OR9Q1: variants seen among roughly 807,000 people sequenced by gnomAD.
The protein encoded by OR9Q1 is olfactory receptor family 9 subfamily Q member 1.
For missense variants in OR9Q1, 374 were observed against 378.8 expected (o/e 0.99, Z 0.11); for synonymous variants, 153 against 148.6 (o/e 1.03, Z -0.22).
chr11:58,153,417 T>G (rs1003901620), intron 2 of OR9Q1, among the ~76,000 whole-genome samples: 7 of 152,136 alleles, frequency 4.6e-5, no homozygotes, highest in Non-Finnish European at 1.0e-4. Context: ...TGGGGACTGT[T>G]GTGGAAGATT....
intron 2 of OR9Q1, among the ~76,000 whole-genome samples, chr11:58,094,119 G>A (rs911574801): frequency 6.6e-6 from 1 of 152,154 alleles, no homozygotes; most frequent in East Asian, 1.9e-4. Context: ...CCATAAAAAG[G>A]ATGAAGTCAT....
At chr11:58,097,042 C>T (rs1853738880) in intron 2 of OR9Q1, among the ~76,000 whole-genome samples, 1 of 152,062 alleles carries the variant, frequency 6.6e-6, no homozygotes, top group Admixed American at 6.6e-5. Flanking sequence ...GGGGTCTCAC[C>T]ATGTTGCTCA....
At chr11:58,123,794 C>G (rs1854060661) in intron 2 of OR9Q1, among the ~76,000 whole-genome samples, 1 of 152,130 alleles carries the variant, frequency 6.6e-6, no homozygotes, top group Admixed American at 6.5e-5. Context: ...ATCAAAGCGC[C>G]TCTCTAAAAC....
At chr11:58,159,644 CAAAAG>C (rs1854439749) in intron 2 of OR9Q1, among the ~76,000 whole-genome samples, 1 of 152,072 alleles carries the variant, frequency 6.6e-6, no homozygotes, top group African/African-American at 2.4e-5. Flanking sequence ...GAAGAATTGA[CAAAAG>C]AGAATTTGAA....
At chr11:58,110,116 T>G (rs1853885192) in intron 2 of OR9Q1, among the ~76,000 whole-genome samples, 1 of 152,200 alleles carries the variant, frequency 6.6e-6, no homozygotes, top group South Asian at 2.1e-4. Context: ...CCTCCAGGGT[T>G]GTCAGTGGCA....
chr11:58,150,417 GAGA>G (rs1415654956), intron 2 of OR9Q1, among the ~76,000 whole-genome samples: 5 of 152,130 alleles, frequency 3.3e-5, no homozygotes, highest in Non-Finnish European at 5.9e-5. Flanking sequence ...GCAATATGAT[GAGA>G]CCTTGCCTCT....
At chr11:58,174,972 G>C in intron 2 of OR9Q1, among the ~76,000 whole-genome samples, 1 of 151,420 alleles carries the variant, frequency 6.6e-6, no homozygotes. Context: ...TGGGCATGGT[G>C]GTGCACCCCT....
chr11:58,024,890 C>T (rs1852955915), intron 1 of OR9Q1, among the ~76,000 whole-genome samples: 1 of 152,082 alleles, frequency 6.6e-6, no homozygotes, highest in African/African-American at 2.4e-5. Flanking sequence ...GTTGCAGGCA[C>T]GTTGTCATTG....
intron 1 of OR9Q1, among the ~76,000 whole-genome samples, chr11:58,043,553 C>T (rs953331517): frequency 6.6e-6 from 1 of 152,196 alleles, no homozygotes; most frequent in Non-Finnish European, 1.5e-5. Flanking sequence ...CTTCCTATAT[C>T]TTGCATCACA....
chr11:58,126,169 C>T (rs2514204), intron 2 of OR9Q1, among the ~76,000 whole-genome samples: 4 of 152,188 alleles, frequency 2.6e-5, no homozygotes, highest in Admixed American at 6.5e-5. Context: ...AACTCTCTAA[C>T]CACTCCAGCT....
intron 2 of OR9Q1, among the ~76,000 whole-genome samples, chr11:58,138,764 GC>G (rs1854213152): frequency 6.6e-6 from 1 of 152,056 alleles, no homozygotes; most frequent in Non-Finnish European, 1.5e-5. Flanking sequence ...ACCTCACTTA[GC>G]ATTTTTTGTG....
Position 58,150,225 on chromosome 11 carries a change from T to A in OR9Q1, c.-14-29206T>A, listed in dbSNP as rs138930550. 3.6e-3 allele frequency among the ~76,000 whole-genome samples: 555 copies of A among 152,314 alleles called. 3 individuals carry two copies. Among genetic ancestry groups the A allele is most frequent in the Non-Finnish European group, 5.1e-3 (349 of 68,026 alleles). Reference sequence around the variant, plus strand: ...ACCTAATTACTAGTGATGTTGAACATCTTTCCATGTTCTTATTGGCCACTT... The same window carrying A: ...ACCTAATTACTAGTGATGTTGAACAACTTTCCATGTTCTTATTGGCCACTT... On this transcript the variant is annotated intron_variant, in intron 2 of 2. Transcript: ENST00000335397.
At chr11:58,177,090 G>T (rs1854613338) in intron 2 of OR9Q1, among the ~76,000 whole-genome samples, 1 of 152,122 alleles carries the variant, frequency 6.6e-6, no homozygotes, top group East Asian at 1.9e-4. Flanking sequence ...CACAATCATA[G>T]CTGCCAAAGT....
chr11:58,093,812 T>C (rs1050002337), intron 2 of OR9Q1, among the ~76,000 whole-genome samples: 16 of 139,122 alleles, frequency 1.2e-4, no homozygotes, highest in Non-Finnish European at 1.9e-4. Context: ...TTGGCAAGGG[T>C]GCAGAGAAAA....
intron 2 of OR9Q1, among the ~76,000 whole-genome samples, chr11:58,093,177 T>C (rs891305638): frequency 3.9e-5 from 6 of 152,212 alleles, no homozygotes; most frequent in Non-Finnish European, 7.3e-5. Context: ...TATATGTATT[T>C]CATAGATTTC....
At chr11:58,030,825 T>C in intron 1 of OR9Q1, 3 of 669,560 alleles carry the variant, frequency 4.5e-6, no homozygotes, top group Non-Finnish European at 8.1e-6. Flanking sequence ...GTAAGAACAG[T>C]GTGTTGACAT....
chr11:58,161,262 A>G (rs1022980928), intron 2 of OR9Q1, among the ~76,000 whole-genome samples: 2 of 151,138 alleles, frequency 1.3e-5, no homozygotes, highest in Non-Finnish European at 2.9e-5. Flanking sequence ...AAAAGAAAAG[A>G]GTTATATATG....
In OR9Q1 at chr11:58,024,100, C is replaced by G. The variant is rs1852946710; in HGVS notation, c.-97C>G. The G allele has an allele frequency of 6.6e-6, 1 of 152,290 alleles. No individual in the cohort carries two copies. The highest frequency in any genetic ancestry group is 1.5e-5 in the Non-Finnish European group (1 of 68,072). The allele number at this position is 152,290 out of a possible 1,614,324, so 9.4% of individuals were successfully genotyped here. A position where few individuals can be genotyped will look rare whatever the true frequency, so the allele number is the denominator to read the frequency against. Reference sequence around the variant, plus strand: ...TCCCAAACTCACAGCTACGGCCTGACGGAGGTAGGGTCAAATGCAGCTCCA... The same window carrying G: ...TCCCAAACTCACAGCTACGGCCTGAGGGAGGTAGGGTCAAATGCAGCTCCA... On this transcript the variant is annotated 5_prime_UTR_variant, in exon 1 of 3. Coordinates refer to ENST00000335397, the MANE Select transcript of OR9Q1 (RefSeq NM_001005212.4).
intron 2 of OR9Q1, among the ~76,000 whole-genome samples, chr11:58,163,671 G>T (rs1255318894): frequency 6.6e-6 from 1 of 152,324 alleles, no homozygotes; most frequent in South Asian, 2.1e-4. Context: ...ATTCCAGGGA[G>T]GGCAAACTAG....
Sources: gnomAD v4.1 joint callset for allele counts (sites outside exome capture counted in the v4.1 genomes callset) on GRCh38, gnomAD v4.1.1 for gene constraint, MANE v1.5 for transcripts, NCBI Gene and HGNC (gene_info 2026-07-23, HGNC 2026-07-21) for gene names.